Variants in LEPR observed in about 807,000 individuals in gnomAD.
The protein encoded by LEPR is OB receptor.
Under a neutral mutation model 114.7 loss-of-function variants are expected in LEPR, and 56 were observed. The observed-to-expected ratio is 0.49, with a 90% CI of 0.39 to 0.61. The LOEUF is 0.61. LEPR is among the 20% of genes least tolerant of loss of function. The probability of loss-of-function intolerance (pLI) is 0.00; values close to 1 mark genes in which losing one functional copy is unlikely to be tolerated. For synonymous variants in LEPR, 443 were observed against 461.4 expected (o/e 0.96, Z 0.51); for missense variants, 1,202 against 1,352.9 (o/e 0.89, Z 1.75).
chr1:65,488,230 T>C (rs201669798), intron 2 of LEPR, among the ~76,000 whole-genome samples: 6,391 of 48,012 alleles, frequency 0.13, 366 homozygotes, highest in East Asian at 0.24. Context: ...CTCTCTCTCT[T>C]TCTTTCTTTC....
chr1:65,540,100 G>A (rs1651081310), intron 2 of LEPR, among the ~76,000 whole-genome samples: 1 of 152,136 alleles, frequency 6.6e-6, no homozygotes, highest in Admixed American at 6.5e-5. Flanking sequence ...TGTTTGTGAG[G>A]AGGTGAATTA....
intron 2 of LEPR, among the ~76,000 whole-genome samples, chr1:65,464,425 G>A (rs1429136882): frequency 6.6e-6 from 1 of 152,150 alleles, no homozygotes; most frequent in Non-Finnish European, 1.5e-5. Flanking sequence ...GATTCAGTTT[G>A]CCAGTATTTT....
intron 2 of LEPR, among the ~76,000 whole-genome samples, chr1:65,546,638 C>T (rs553666890): frequency 9.9e-5 from 15 of 152,016 alleles, no homozygotes; most frequent in Admixed American, 3.9e-4. Flanking sequence ...AGAATGCTTG[C>T]GATTTTTGTA....
At chr1:65,607,852 A>G (rs1274098169) in intron 11 of LEPR, among the ~76,000 whole-genome samples, 1 of 152,366 alleles carries the variant, frequency 6.6e-6, no homozygotes, top group East Asian at 1.9e-4. Flanking sequence ...AAGCAGCATC[A>G]TAAAAAGGTG....
chr1:65,442,747 T>C (rs995788740), intron 2 of LEPR, among the ~76,000 whole-genome samples: 1 of 152,198 alleles, frequency 6.6e-6, no homozygotes, highest in Non-Finnish European at 1.5e-5. Context: ...AGCAATGCCT[T>C]CCCTGCCTCC....
At chr1:65,480,397 A>G (rs1369579164) in intron 2 of LEPR, among the ~76,000 whole-genome samples, 2 of 152,324 alleles carry the variant, frequency 1.3e-5, no homozygotes, top group East Asian at 3.9e-4. Flanking sequence ...CAGGAGCTGC[A>G]TGGAGACAGA....
chr1:65,425,581 A>G (rs964738697), intron 2 of LEPR, among the ~76,000 whole-genome samples: 11 of 152,180 alleles, frequency 7.2e-5, no homozygotes, highest in Admixed American at 2.6e-4. Flanking sequence ...TTCCATAAGC[A>G]TTTGTTTAAC....
At chr1:65,581,857 A>T (rs1400935324) in intron 5 of LEPR, among the ~76,000 whole-genome samples, 4 of 152,216 alleles carry the variant, frequency 2.6e-5, no homozygotes, top group Non-Finnish European at 4.4e-5. Flanking sequence ...TACTTTCCAC[A>T]TAACTACAGA....
intron 2 of LEPR, among the ~76,000 whole-genome samples, chr1:65,507,433 T>G (rs1186910748): frequency 1.0e-5 from 1 of 99,260 alleles, no homozygotes; most frequent in Non-Finnish European, 2.2e-5. Context: ...TGAATAGTAT[T>G]CCATTGTGTG....
intron 2 of LEPR, 38 bp downstream of exon 2, chr1:65,425,416 G>T (rs748870867): frequency 6.4e-7 from 1 of 1,551,222 alleles, no homozygotes; most frequent in Non-Finnish European, 8.8e-7. Flanking sequence ...TCCTCTTTCT[G>T]TGTCTTTGTC....
At chr1:65,506,520 G>T (rs975256772) in intron 2 of LEPR, among the ~76,000 whole-genome samples, 2 of 152,150 alleles carry the variant, frequency 1.3e-5, no homozygotes, top group Admixed American at 1.3e-4. Context: ...GTGTGACAGT[G>T]ACTTAGAACT....
chr1:65,553,306 G>A (rs1209085259), intron 2 of LEPR, among the ~76,000 whole-genome samples: 1 of 152,200 alleles, frequency 6.6e-6, no homozygotes, highest in East Asian at 1.9e-4. Flanking sequence ...ATCCTGCAGA[G>A]TGTTTTCCAA....
chr1:65,628,122 A>G (rs1429432599), intron 19 of LEPR, among the ~76,000 whole-genome samples: 1 of 152,166 alleles, frequency 6.6e-6, no homozygotes, highest in Non-Finnish European at 1.5e-5. Context: ...TTTATTTAAA[A>G]CCACTATATG....
chr1:65,476,546 C>G (rs1198034975), intron 2 of LEPR, among the ~76,000 whole-genome samples: 1 of 152,106 alleles, frequency 6.6e-6, no homozygotes, highest in South Asian at 2.1e-4. Context: ...TTTTTCCTGC[C>G]TGGATAATCC....
At chr1:65,424,945 G>C (rs1297854080) in intron 1 of LEPR, among the ~76,000 whole-genome samples, 1 of 152,196 alleles carries the variant, frequency 6.6e-6, no homozygotes, top group African/African-American at 2.4e-5. Flanking sequence ...ATGTGAATTT[G>C]AAAGGGACAC....
chr1:65,568,501 AGTGTGTGT>A (rs35333524), intron 3 of LEPR, among the ~76,000 whole-genome samples: 2 of 148,066 alleles, frequency 1.4e-5, no homozygotes, highest in Admixed American at 1.4e-4. Flanking sequence ...ATGGTGTGTG[AGTGTGTGT>A]GTGTGTGTGT....
At chr1:65,435,025 A>G (rs1646539494) in intron 2 of LEPR, 1 of 985,374 alleles carries the variant, frequency 1.0e-6, no homozygotes, top group South Asian at 4.7e-5. Context: ...AGAATGCCTC[A>G]TAACCCACTG....
chr1:65,547,065 C>T (rs1311523226), intron 2 of LEPR, among the ~76,000 whole-genome samples: 1 of 151,894 alleles, frequency 6.6e-6, no homozygotes, highest in Non-Finnish European at 1.5e-5. Flanking sequence ...TTGAGATAAT[C>T]ATGTGGTTTT....
chr1:65,570,482 A>G lies in LEPR; in HGVS notation c.50A>G (p.Tyr17Cys). 6.2e-7 allele frequency: 1 copy of G among 1,613,392 alleles called. No individual in the cohort carries two copies. The highest frequency in any genetic ancestry group is 1.3e-5 in the African/African-American group (1 of 75,044). ...TTTAATATCCTAACAGAATTTATTT[A>G]TGTGATAACTGCGTTTAACTTGTCA... The part of the protein sequence containing the change: ...CVVLLHWEFI[Y>C]VITAFNLSYP... The change falls in exon 4 of 20, where the codon TAT becomes TGT. Residue 17 changes from tyrosine (Y) to cysteine (C), a missense_variant. Physicochemically the swap from Tyr to Cys is radical, Grantham distance 194. Transcript: ENST00000349533.
Sources: allele counts gnomAD v4.1 joint callset (sites outside exome capture counted in the v4.1 genomes callset), GRCh38; gene constraint gnomAD v4.1.1; transcripts MANE v1.5; gene names NCBI Gene and HGNC (gene_info 2026-07-23, HGNC 2026-07-21).